The following CFAP74 variants were observed in gnomAD, a reference collection of about 807,000 sequenced individuals.
CFAP74 encodes cilia- and flagella-associated protein 74.
A neutral mutation model predicts 188.9 loss-of-function variants in CFAP74; 124 were observed. That is an observed-to-expected ratio of 0.66 (90% confidence interval 0.57 to 0.76). CFAP74 has a LOEUF of 0.76. CFAP74 is among the 30% of genes least tolerant of loss of function. The probability of loss-of-function intolerance (pLI) is 0.00; values close to 1 mark genes in which losing one functional copy is unlikely to be tolerated. For synonymous variants in CFAP74, 956 were observed against 916.7 expected, an observed-to-expected ratio of 1.04 and a Z score of -0.77; for missense variants, 2,198 against 2,165.2, an observed-to-expected ratio of 1.02 and a Z score of -0.30.
chr1:1,937,175 G>A (rs939147783), intron 25 of CFAP74, among the ~76,000 whole-genome samples: 3 of 152,268 alleles, frequency 2.0e-5, no homozygotes, highest in Non-Finnish European at 4.4e-5. Context: ...CGGATGGAAC[G>A]TGCAAAGCAC....
intron 24 of CFAP74, among the ~76,000 whole-genome samples, chr1:1,939,209 C>T (rs553747655): frequency 2.6e-5 from 4 of 152,266 alleles, no homozygotes; most frequent in South Asian, 2.1e-4. Context: ...TGTGTGTGCA[C>T]GCATATGTGT....
At chr1:1,982,486 G>A (rs1656965969) in intron 6 of CFAP74, among the ~76,000 whole-genome samples, 1 of 152,242 alleles carries the variant, frequency 6.6e-6, no homozygotes, top group Non-Finnish European at 1.5e-5. Context: ...GAGCTCCATC[G>A]GAGCACCCTG....
At chr1:2,000,784 C>T (rs977294767) in intron 1 of CFAP74, among the ~76,000 whole-genome samples, 5 of 152,138 alleles carry the variant, frequency 3.3e-5, no homozygotes, top group Non-Finnish European at 7.3e-5. Context: ...AGTATGTCCT[C>T]CTCTTAGCTA....
chr1:1,974,093 T>G lies in CFAP74; in HGVS notation c.606A>C (p.Ala202=), dbSNP rs1249948513. 6.2e-7 allele frequency: 1 copy of G among 1,612,350 alleles called. No homozygotes were observed. The highest frequency in any genetic ancestry group is 2.2e-5 in the East Asian group (1 of 44,798). Residue 202 remains alanine (A), a synonymous_variant, in exon 7 of 39, where the codon GCA becomes GCC. Coordinates refer to ENST00000682832, the MANE Select transcript of CFAP74 (RefSeq NM_001304360.2). ...EATGRRLQVR[A]AEQLCREQEA... The stretch of plus-strand genomic sequence containing the variant: ...CCTGCTCTCTGCAGAGCTGCTCGGC[T>G]GCGCGCACCTGGAGCCGCCGCCCCG...
intron 22 of CFAP74, 103 bp downstream of exon 22, chr1:1,941,925 C>T: frequency 1.6e-6 from 2 of 1,218,022 alleles, no homozygotes; most frequent in Non-Finnish European, 2.1e-6. Flanking sequence ...GGCTGATGAT[C>T]CCGGCAGCAA....
At chr1:1,996,540 A>G (rs1294140077) in intron 1 of CFAP74, among the ~76,000 whole-genome samples, 2 of 152,202 alleles carry the variant, frequency 1.3e-5, no homozygotes, top group Non-Finnish European at 2.9e-5. Context: ...TACTTTAAAC[A>G]TACGAAAAAA....
chr1:1,923,019 C>T lies in CFAP74; in HGVS notation c.4649G>A (p.Gly1550Asp), dbSNP rs1174762570. Residue 1550 changes from glycine to aspartate, a missense_variant, in exon 37 of 39, where the codon GGC (glycine) becomes GAC (aspartate). By Grantham distance (94) the Gly-to-Asp change is moderately conservative. Coordinates refer to ENST00000682832, the MANE Select transcript of CFAP74 (RefSeq NM_001304360.2). This position sits in a 1 kb window ranked among gnomAD's most constrained non-coding sequence, Gnocchi z 6.3. Reference sequence around the variant, plus strand: ...AGATGGCTGGGTGGTCCGGATACAGCCCACCTGCAGCTCTCGGGTGGCAGG... The same window carrying T: ...AGATGGCTGGGTGGTCCGGATACAGTCCACCTGCAGCTCTCGGGTGGCAGG... ...APPATRELQV[G>D]CIRTTQPSPK... is the part of the protein sequence containing the mutation. 2 of 1,599,296 alleles carry T rather than the reference C, an allele frequency of 1.3e-6. No individual in the cohort carries two copies. Among genetic ancestry groups the T allele is most frequent in the South Asian group, 1.1e-5 (1 of 89,386 alleles).
intron 1 of CFAP74, among the ~76,000 whole-genome samples, chr1:1,997,363 A>C (rs2102119571): frequency 6.6e-6 from 1 of 151,998 alleles, no homozygotes; most frequent in South Asian, 2.1e-4. Flanking sequence ...CGGAGGTTGC[A>C]GTGAGCTGAG....
intron 6 of CFAP74, among the ~76,000 whole-genome samples, chr1:1,981,468 A>G (rs1338891638): frequency 1.4e-5 from 2 of 146,106 alleles, no homozygotes; most frequent in Non-Finnish European, 3.0e-5. Flanking sequence ...CAGGACACCC[A>G]GCCGCGGTCA....
intron 6 of CFAP74, among the ~76,000 whole-genome samples, chr1:1,982,243 C>T (rs1467889181): frequency 1.4e-5 from 2 of 143,552 alleles, no homozygotes; most frequent in African/African-American, 5.1e-5. Flanking sequence ...GACACCCAGC[C>T]GTGGTCACAC....
At chr1:1,987,950 T>C (rs950579444) in intron 4 of CFAP74, 7 of 359,676 alleles carry the variant, frequency 1.9e-5, no homozygotes, top group African/African-American at 4.3e-5. Flanking sequence ...CAAGAAGTTA[T>C]GCAGAAGAAC....
intron 1 of CFAP74, among the ~76,000 whole-genome samples, chr1:1,991,856 A>AGG (rs1558066247): frequency 5.9e-5 from 9 of 151,708 alleles, no homozygotes; most frequent in South Asian, 2.1e-4. Context: ...TGGCTAGCAC[A>AGG]GTGAAACCCC....
chr1:1,990,266 G>A (rs531449176), intron 2 of CFAP74, among the ~76,000 whole-genome samples: 1 of 152,046 alleles, frequency 6.6e-6, no homozygotes, highest in East Asian at 1.9e-4. Context: ...AGATTACAGC[G>A]GACTTCCGGC....
intron 10 of CFAP74, among the ~76,000 whole-genome samples, chr1:1,969,389 A>AGCCCT (rs1655755730): frequency 1.4e-5 from 1 of 72,562 alleles, no homozygotes; most frequent in African/African-American, 5.6e-5. Context: ...TGCCAAGCCC[A>AGCCCT]GCCTTGCCCA....
chr1:1,932,558 TATTG>T (rs892048684), intron 25 of CFAP74, among the ~76,000 whole-genome samples: 2 of 151,832 alleles, frequency 1.3e-5, no homozygotes, highest in African/African-American at 4.8e-5. Context: ...GTGGAGATAT[TATTG>T]ATTATTATTA....
At chr1:1,963,179 G>A (rs1003930399) in intron 14 of CFAP74, among the ~76,000 whole-genome samples, 5 of 152,138 alleles carry the variant, frequency 3.3e-5, no homozygotes, top group Non-Finnish European at 2.9e-5. Context: ...GACAAGGTGT[G>A]GTGGCTCATG....
chr1:1,949,073 C>G (rs983130893), intron 18 of CFAP74, among the ~76,000 whole-genome samples: 1 of 136,668 alleles, frequency 7.3e-6, no homozygotes, highest in African/African-American at 2.8e-5. Context: ...CCTTCCTTTC[C>G]TTTCCCTCCT....
intron 1 of CFAP74, among the ~76,000 whole-genome samples, chr1:2,003,336 T>C (rs1339688772): frequency 6.6e-6 from 1 of 152,190 alleles, no homozygotes; most frequent in African/African-American, 2.4e-5. Flanking sequence ...TTATACATAC[T>C]AAAACTAAAT....
chr1:2,003,193 C>T (rs572967360), intron 1 of CFAP74, among the ~76,000 whole-genome samples: 2 of 152,290 alleles, frequency 1.3e-5, no homozygotes, highest in African/African-American at 2.4e-5. Flanking sequence ...CAGAGAATAT[C>T]AGTCCATTTC....
Sources: gnomAD v4.1 joint callset for allele counts (sites outside exome capture counted in the v4.1 genomes callset) on GRCh38, gnomAD v4.1.1 for gene constraint, Gnocchi (gnomAD v3.1) non-coding constraint, MANE v1.5 for transcripts, NCBI Gene and HGNC (gene_info 2026-07-23, HGNC 2026-07-21) for gene names.